Variants in CSNK1G1 observed in about 807,000 individuals in gnomAD.
The protein encoded by CSNK1G1 is casein kinase I isoform gamma-1.
A neutral mutation model predicts 59.6 loss-of-function variants in CSNK1G1; 22 were observed. The observed-to-expected ratio is 0.37, with a 90% confidence interval of 0.26 to 0.53. The LOEUF is 0.53. Ranked by LOEUF, CSNK1G1 falls within the 20% of genes least tolerant of loss-of-function variation. The pLI, the probability that CSNK1G1 is intolerant of heterozygous loss-of-function variation, is 0.89. For synonymous variants in CSNK1G1, 179 were observed against 177.1 expected (o/e 1.01, Z -0.08); for missense variants, 384 against 519.5 (o/e 0.74, Z 2.54).
intron 1 of CSNK1G1, among the ~76,000 whole-genome samples, chr15:64,316,162 G>T (rs997084336): frequency 2.0e-5 from 3 of 151,702 alleles, no homozygotes; most frequent in African/African-American, 7.3e-5. Context: ...AAAGCACTGG[G>T]ATTAAAAACA....
intron 4 of CSNK1G1, among the ~76,000 whole-genome samples, chr15:64,237,778 C>T (rs1337051467): frequency 6.6e-6 from 1 of 152,110 alleles, no homozygotes; most frequent in African/African-American, 2.4e-5. Flanking sequence ...TTACAGTTGC[C>T]TAGATTCAAA....
intron 2 of CSNK1G1, 40 bp downstream of exon 2, chr15:64,300,279 T>C: frequency 6.3e-7 from 1 of 1,575,494 alleles, no homozygotes; most frequent in Non-Finnish European, 8.7e-7. Flanking sequence ...ATCATAGGTA[T>C]TGTTGTTAGT....
intron 4 of CSNK1G1, among the ~76,000 whole-genome samples, chr15:64,239,773 G>C (rs1474251852): frequency 6.6e-6 from 1 of 152,072 alleles, no homozygotes; most frequent in Non-Finnish European, 1.5e-5. Flanking sequence ...ATATAAACTA[G>C]AAATTCAACT....
At chr15:64,243,603 G>A (rs1162330453) in intron 4 of CSNK1G1, among the ~76,000 whole-genome samples, 1 of 152,062 alleles carries the variant, frequency 6.6e-6, no homozygotes, top group African/African-American at 2.4e-5. Context: ...GGAGGAAGTC[G>A]AATTGTCCCT....
chr15:64,245,502 G>A (rs534195202), intron 4 of CSNK1G1, among the ~76,000 whole-genome samples: 5 of 152,112 alleles, frequency 3.3e-5, no homozygotes, highest in African/African-American at 9.6e-5. Flanking sequence ...ATGTGTGTAC[G>A]TCCATGTTTA....
At chr15:64,265,435 G>A (rs151291121) in intron 2 of CSNK1G1, among the ~76,000 whole-genome samples, 9,567 of 152,180 alleles carry the variant, frequency 0.063, 296 homozygotes, top group African/African-American at 0.091. Context: ...AGATCTGATG[G>A]TTTTATAAAG....
intron 2 of CSNK1G1, among the ~76,000 whole-genome samples, chr15:64,293,488 A>G (rs2140389735): frequency 6.6e-6 from 1 of 152,370 alleles, no homozygotes; most frequent in South Asian, 2.1e-4. Flanking sequence ...GCACAAGGAC[A>G]CACATACACA....
At chr15:64,217,748 G>A (rs534725764) in intron 4 of CSNK1G1, among the ~76,000 whole-genome samples, 6 of 151,690 alleles carry the variant, frequency 4.0e-5, no homozygotes, top group South Asian at 2.1e-4. Flanking sequence ...CTCAGGAGGC[G>A]GAGGTTGCAG....
At chr15:64,192,300 G>T (rs2081982430) in intron 10 of CSNK1G1, among the ~76,000 whole-genome samples, 1 of 152,222 alleles carries the variant, frequency 6.6e-6, no homozygotes, top group Non-Finnish European at 1.5e-5. Flanking sequence ...GTCCCCCAAA[G>T]CAGGAGCAGG....
At chr15:64,322,851 GTTA>G (rs896814156) in intron 1 of CSNK1G1, among the ~76,000 whole-genome samples, 17 of 151,686 alleles carry the variant, frequency 1.1e-4, no homozygotes, top group African/African-American at 3.9e-4. Flanking sequence ...AATAAAGTCA[GTTA>G]TTATAAAATT....
intron 2 of CSNK1G1, among the ~76,000 whole-genome samples, chr15:64,268,891 G>T (rs182461069): frequency 1.7e-4 from 26 of 152,228 alleles, no homozygotes; most frequent in African/African-American, 6.0e-4. Flanking sequence ...CTAGCCTATG[G>T]TAATCATACA....
At chr15:64,249,579 C>T (rs1042969622) in intron 4 of CSNK1G1, among the ~76,000 whole-genome samples, 2 of 152,186 alleles carry the variant, frequency 1.3e-5, no homozygotes, top group African/African-American at 4.8e-5. Flanking sequence ...GACTATGAGT[C>T]AACAGTTGGC....
intron 4 of CSNK1G1, among the ~76,000 whole-genome samples, chr15:64,222,436 C>CAAAAAAA (rs1567381566): frequency 3.5e-5 from 4 of 114,670 alleles, no homozygotes; most frequent in Admixed American, 9.2e-5. Context: ...AACAACACCA[C>CAAAAAAA]CAAAAAAAAA....
At chr15:64,315,937 CTG>C (rs1200594474) in intron 1 of CSNK1G1, among the ~76,000 whole-genome samples, 1 of 152,140 alleles carries the variant, frequency 6.6e-6, no homozygotes, top group Non-Finnish European at 1.5e-5. Context: ...TGGGTCAAAT[CTG>C]TGTTTTTTAA....
intron 4 of CSNK1G1, among the ~76,000 whole-genome samples, chr15:64,229,465 C>T (rs1328437494): frequency 6.6e-6 from 1 of 152,170 alleles, no homozygotes. Context: ...TAACAAGAGT[C>T]AACTCTAGGA....
In CSNK1G1 at chr15:64,350,368, G is replaced by A. The variant is rs1030821572; in HGVS notation, c.-225+5620C>T. 3.3e-5 allele frequency among the ~76,000 whole-genome samples: 5 copies of A among 152,144 alleles called. No homozygotes were observed. In the East Asian group the frequency reaches 9.7e-4, roughly 29 times the overall value. On this transcript the variant is annotated intron_variant, in intron 1 of 11. Transcript: ENST00000303052. ...GAAAAAAAATTAGCCGGGTGTGGTG[G>A]CAGGCACCTGTAGTCCCAGCTACTC...
At chr15:64,243,322 C>T (rs1301382621) in intron 4 of CSNK1G1, among the ~76,000 whole-genome samples, 3 of 151,682 alleles carry the variant, frequency 2.0e-5, no homozygotes, top group Non-Finnish European at 4.4e-5. Context: ...GGAGACAGAG[C>T]GAGACTCCAT....
intron 1 of CSNK1G1, among the ~76,000 whole-genome samples, chr15:64,354,195 C>G (rs1412300932): frequency 6.6e-6 from 1 of 152,116 alleles, no homozygotes; most frequent in Non-Finnish European, 1.5e-5. Flanking sequence ...ATCCCAGCTA[C>G]TCAGGAGGCT....
chr15:64,242,051 G>A (rs909645798), intron 4 of CSNK1G1, among the ~76,000 whole-genome samples: 18 of 151,920 alleles, frequency 1.2e-4, no homozygotes, highest in Non-Finnish European at 2.5e-4. Flanking sequence ...GAAATACAAA[G>A]AATCATTAGA....
Sources: gnomAD v4.1 joint callset for allele counts (sites outside exome capture counted in the v4.1 genomes callset) on GRCh38, gnomAD v4.1.1 for gene constraint, MANE v1.5 for transcripts, NCBI Gene and HGNC (gene_info 2026-07-23, HGNC 2026-07-21) for gene names.